CDK6: variants seen among roughly 807,000 people sequenced by gnomAD.
CDK6 encodes the protein cyclin-dependent kinase 6.
Under a neutral mutation model 37.1 loss-of-function variants are expected in CDK6, and 6 were observed. The ratio of observed to expected loss-of-function variants is 0.16; its 90% CI spans 0.09 to 0.32. The LOEUF is 0.32. CDK6 is among the 10% of genes least tolerant of loss of function. The pLI is 1.00. For missense variants in CDK6, 224 were observed against 418.9 expected (o/e 0.53, Z 4.06); for synonymous variants, 160 against 161.3 (o/e 0.99, Z 0.06).
At position 92,607,046 on chromosome 7, in the gene CDK6, T is replaced by C. The variant is rs1585330096; in HGVS notation, c.*8094A>G. 2.1e-5 allele frequency: 5 copies of C among 233,544 alleles called. No homozygotes were observed. In the East Asian group the frequency reaches 3.0e-4, roughly 14 times the overall value. 14.5% of individuals were successfully genotyped at this position (233,544 alleles called of 1,614,324 possible). On this transcript the variant is annotated 3_prime_UTR_variant, in exon 8 of 8. Transcript: ENST00000424848. ...CCTTGCTTTTTATTACCACACTGGA[T>C]TGCTTCTGTACACAGCTAAGTTGCC... is the stretch of plus-strand genomic sequence containing the variant.
chr7:92,832,496 T>A (rs1315407923), intron 2 of CDK6, among the ~76,000 whole-genome samples: 1 of 152,224 alleles, frequency 6.6e-6, no homozygotes, highest in African/African-American at 2.4e-5. Context: ...AGATTGGGCA[T>A]CAGCACTCAA....
chr7:92,778,143 C>T (rs1301845902), intron 2 of CDK6, among the ~76,000 whole-genome samples: 9 of 151,514 alleles, frequency 5.9e-5, no homozygotes, highest in Non-Finnish European at 2.9e-5. Flanking sequence ...AAAAACCCCA[C>T]CACTGTAATT....
At position 92,614,362 on chromosome 7, in the gene CDK6, T is replaced by C. The variant is rs1052779232; in HGVS notation, c.*778A>G. On this transcript the variant is annotated 3_prime_UTR_variant, in exon 8 of 8. Transcript: ENST00000424848. ...AAAGAAATGATAAAGCATGATGTCA[T>C]ACAGAAGGTTAAAATAGACTTACAA... The C allele has an allele frequency of 8.6e-6, 2 of 232,500 alleles. No homozygotes were observed. Among genetic ancestry groups the C allele is most frequent in the African/African-American group, 4.5e-5 (2 of 44,942 alleles). 14.4% of individuals were successfully genotyped at this position (232,500 alleles called of 1,614,324 possible).
In CDK6 at chr7:92,607,016, G is replaced by A. The variant is rs1795444232; in HGVS notation, c.*8124C>T. On this transcript the variant is annotated 3_prime_UTR_variant, in exon 8 of 8. Transcript: ENST00000424848. ...TTTTATTTTATAATAAATTATACAG[G>A]CAATCCTTGCTTTTTATTACCACAC... The A allele has an allele frequency of 4.3e-6, 1 of 232,990 alleles. No homozygotes were observed. 14.4% of individuals were successfully genotyped at this position (232,990 alleles called of 1,614,324 possible).
At chr7:92,642,681 T>C (rs1796338637) in intron 5 of CDK6, among the ~76,000 whole-genome samples, 1 of 152,082 alleles carries the variant, frequency 6.6e-6, no homozygotes, top group South Asian at 2.1e-4. Flanking sequence ...CTCAGATCAA[T>C]GCTATGTGGG....
chr7:92,652,761 G>T (rs1165666542), intron 5 of CDK6, among the ~76,000 whole-genome samples: 1 of 152,162 alleles, frequency 6.6e-6, no homozygotes, highest in Non-Finnish European at 1.5e-5. Context: ...GCTGGATGTT[G>T]GTTCTGTGAC....
chr7:92,705,179 C>T (rs1378203321), intron 4 of CDK6, among the ~76,000 whole-genome samples: 2 of 152,120 alleles, frequency 1.3e-5, no homozygotes, highest in Non-Finnish European at 2.9e-5. Flanking sequence ...TTTTGAAGTA[C>T]ATCCTTTAGA....
chr7:92,774,527 T>G (rs958313502), intron 3 of CDK6, among the ~76,000 whole-genome samples, 169 bp downstream of exon 3: 1 of 152,252 alleles, frequency 6.6e-6, no homozygotes, highest in Non-Finnish European at 1.5e-5. Context: ...CTCACTTAGT[T>G]GATGAACTGG....
intron 2 of CDK6, among the ~76,000 whole-genome samples, chr7:92,819,220 A>T (rs1801108809): frequency 6.6e-6 from 1 of 152,136 alleles, no homozygotes; most frequent in Admixed American, 6.6e-5. Flanking sequence ...ATATAATGGA[A>T]AATGAACTAC....
intron 3 of CDK6, among the ~76,000 whole-genome samples, chr7:92,736,596 G>A (rs577342230): frequency 8.5e-5 from 13 of 152,310 alleles, no homozygotes; most frequent in African/African-American, 2.4e-4. Flanking sequence ...AAGTGCTTAC[G>A]TGTTTGTACA....
At chr7:92,651,141 C>T (rs949131264) in intron 5 of CDK6, among the ~76,000 whole-genome samples, 6 of 152,284 alleles carry the variant, frequency 3.9e-5, no homozygotes, top group African/African-American at 7.2e-5. Flanking sequence ...CCTCCTGCCA[C>T]GGCCTCCCAA....
chr7:92,680,351 G>A lies in CDK6; in HGVS notation c.538-8816C>T, dbSNP rs1797303922. On this transcript the variant is annotated intron_variant, in intron 4 of 7. Transcript: ENST00000424848. ...GGAGGCTGAGGCAGGAGAATCGCTG[G>A]AACTCAGGAGGTGGAGGTTGCGGTG... Among the ~76,000 whole-genome samples, 3 of 140,572 alleles carry A rather than the reference G, an allele frequency of 2.1e-5. No individual in the cohort carries two copies. The South Asian group carries it at 7.1e-4, about 33-fold the overall frequency. 92.2% of individuals were successfully genotyped at this position (140,572 alleles called of 152,430 possible). A position where few individuals can be genotyped will look rare whatever the true frequency, so the allele number is the denominator to read the frequency against.
intron 5 of CDK6, among the ~76,000 whole-genome samples, chr7:92,665,840 C>T (rs1322674471): frequency 1.3e-5 from 2 of 152,172 alleles, no homozygotes; most frequent in South Asian, 2.1e-4. Flanking sequence ...AAATCAAAGG[C>T]GATCGAGTCA....
At chr7:92,738,607 C>T (rs1182636178) in intron 3 of CDK6, among the ~76,000 whole-genome samples, 1 of 149,526 alleles carries the variant, frequency 6.7e-6, no homozygotes, top group East Asian at 2.0e-4. Flanking sequence ...CACTGCACTC[C>T]AGCCTGGGCA....
chr7:92,638,493 C>T (rs909095127), intron 5 of CDK6, among the ~76,000 whole-genome samples: 12 of 152,190 alleles, frequency 7.9e-5, no homozygotes, highest in African/African-American at 1.7e-4. Context: ...CAGAGCAAAT[C>T]GGGGTCTGCC....
chr7:92,729,252 T>A (rs1196511153), intron 3 of CDK6, among the ~76,000 whole-genome samples: 1 of 152,202 alleles, frequency 6.6e-6, no homozygotes, highest in Non-Finnish European at 1.5e-5. Context: ...AGCTCAAGAT[T>A]TTAATCTAAA....
intron 3 of CDK6, among the ~76,000 whole-genome samples, chr7:92,763,314 G>T (rs774850184): frequency 9.2e-5 from 14 of 152,248 alleles, no homozygotes; most frequent in South Asian, 6.2e-4. Context: ...TATAGTTTTG[G>T]TTCCTTACCA....
intron 5 of CDK6, among the ~76,000 whole-genome samples, chr7:92,644,277 C>T (rs1454576648): frequency 6.6e-6 from 1 of 152,166 alleles, no homozygotes; most frequent in Non-Finnish European, 1.5e-5. Context: ...TAATTAACTG[C>T]ATTTTCTCTG....
chr7:92,648,668 A>G (rs1175806815), intron 5 of CDK6, among the ~76,000 whole-genome samples: 1 of 152,200 alleles, frequency 6.6e-6, no homozygotes, highest in African/African-American at 2.4e-5. Context: ...TAGAATGCCC[A>G]GTTCAATACG....
Sources: gnomAD v4.1 joint callset for allele counts (sites outside exome capture counted in the v4.1 genomes callset) on GRCh38, gnomAD v4.1.1 for gene constraint, MANE v1.5 for transcripts, NCBI Gene and HGNC (gene_info 2026-07-23, HGNC 2026-07-21) for gene names.